The following NLRP1 variants were observed in gnomAD, a reference collection of about 807,000 sequenced individuals.
NLRP1 encodes the protein NLR family pyrin domain containing 1, also known as NACHT, LRR and PYD domains-containing protein 1.
In NLRP1, 94 loss-of-function variants were observed where a neutral mutation model predicts 136.7. That is an observed-to-expected ratio of 0.69 (90% CI 0.58 to 0.82). NLRP1 has a LOEUF of 0.82. NLRP1 is among the 40% of genes least tolerant of loss of function. The probability of loss-of-function intolerance (pLI) is 0.00; values close to 1 mark genes in which losing one functional copy is unlikely to be tolerated. For synonymous variants in NLRP1, 690 were observed against 725.1 expected (o/e 0.95, Z 0.78); for missense variants, 1,575 against 1,802.7 (o/e 0.87, Z 2.29).
In NLRP1 at chr17:5,563,651, TG is replaced by T. The variant is rs527884570; in HGVS notation, c.653-3609del. Among the ~76,000 whole-genome samples the T allele has an allele frequency of 7.9e-3, 1,210 of 152,352 alleles. 10 individuals are homozygous for T. The highest frequency in any genetic ancestry group is 0.014 in the Non-Finnish European group (929 of 68,024). On this transcript the variant is annotated intron_variant, in intron 3 of 16. Transcript: ENST00000572272. ...GAAAGAGACCAAATCTATGACTCGC[TG>T]GCATCCCTGAAAGAGCATGAGAAAG... is the stretch of plus-strand genomic sequence containing the variant.
downstream of NLRP1, among the ~76,000 whole-genome samples, chr17:5,513,113 CTG>C (rs1167352175): frequency 2.0e-5 from 3 of 152,244 alleles, no homozygotes; most frequent in African/African-American, 7.2e-5. Context: ...CCTGGATAGA[CTG>C]TGTCCAGCAT....
rs1235346480 is a variant in NLRP1 at position 5,515,476 on chromosome 17, T to C, written c.4099A>G (p.Ile1367Val). The C allele has an allele frequency of 1.2e-6, 2 of 1,613,072 alleles. No homozygotes were observed. The highest frequency in any genetic ancestry group is 1.3e-5 in the African/African-American group (1 of 75,010). The change falls in exon 16 of 17, where the codon ATA (isoleucine) becomes GTA (valine). Residue 1367 changes from isoleucine to valine, a missense_variant. Ile to Val is a conservative substitution (Grantham distance 29). Coordinates refer to ENST00000572272, the MANE Select transcript of NLRP1 (RefSeq NM_033004.4). ...PATTLIPPAR[I>V]AVPSPLDAPQ... ...GTCTCTGAGAGCTGTTACTGACCTA[T>C]GCGGGCTGGAGGGATCAGAGTAGTT...
chr17:5,559,787 A>G lies in NLRP1; in HGVS notation c.909T>C (p.Tyr303=). The change falls in exon 4 of 17, where the codon TAT becomes TAC. Residue 303 remains tyrosine, a synonymous_variant. Coordinates refer to ENST00000572272, the MANE Select transcript of NLRP1 (RefSeq NM_033004.4). The part of the protein sequence containing the change: ...DPLVKRSWPD[Y]VEENRGHLIE... ...TTAAATGTCCTCGATTCTCCTCCAC[A>G]TAATCAGGCCAGCTTCTCTTGACCA... The G allele has an allele frequency of 6.2e-7, 1 of 1,614,230 alleles. No homozygotes were observed. Among genetic ancestry groups the G allele is most frequent in the Admixed American group, 1.7e-5 (1 of 60,028 alleles).
chr17:5,529,536 T>G (rs1267785138), intron 12 of NLRP1, among the ~76,000 whole-genome samples: 1 of 152,002 alleles, frequency 6.6e-6, no homozygotes, highest in Non-Finnish European at 1.5e-5. Flanking sequence ...CCCGGCTAAT[T>G]TTTGTATTTT....
chr17:5,523,124 G>A (rs1335472734), intron 12 of NLRP1, among the ~76,000 whole-genome samples: 1 of 152,040 alleles, frequency 6.6e-6, no homozygotes, highest in East Asian at 1.9e-4. Context: ...GCAGTTGGGT[G>A]AAGAGTCCAG....
chr17:5,512,011 G>A (rs1364300992), downstream of NLRP1: 1 of 569,110 alleles, frequency 1.8e-6, no homozygotes, highest in African/African-American at 1.9e-5. Flanking sequence ...TAACAATGAG[G>A]TGGTAACTAA....
At position 5,584,266 on chromosome 17, in the gene NLRP1, G is replaced by T; in HGVS notation, c.-309C>A. 2.2e-6 allele frequency: 1 copy of T among 458,992 alleles called. No individual in the cohort carries two copies. The highest frequency in any genetic ancestry group is 4.0e-6 in the Non-Finnish European group (1 of 251,024). 28.4% of individuals were successfully genotyped at this position (458,992 alleles called of 1,614,324 possible). A position where few individuals can be genotyped will look rare whatever the true frequency, so the allele number is the denominator to read the frequency against. On this transcript the variant is annotated 5_prime_UTR_variant, in exon 1 of 17. Transcript: ENST00000572272. ...TGAGGGTGAGGGGAGATGTGGTGAC[G>T]GGAGATGGGGTGTGGGCAACGCTCA...
chr17:5,544,319 G>A (rs1912271407), intron 5 of NLRP1, among the ~76,000 whole-genome samples: 1 of 152,274 alleles, frequency 6.6e-6, no homozygotes, highest in Non-Finnish European at 1.5e-5. Flanking sequence ...TGGCACATTT[G>A]GTGATTTGGT....
At chr17:5,508,003 G>A (rs534276076) in intron 15 of NLRP1, among the ~76,000 whole-genome samples, 5 of 151,018 alleles carry the variant, frequency 3.3e-5, no homozygotes, top group South Asian at 2.1e-4. Context: ...GCGTGGTGGC[G>A]CACGCCTGTA....
intron 5 of NLRP1, among the ~76,000 whole-genome samples, chr17:5,547,680 T>C (rs894380489): frequency 6.6e-6 from 1 of 152,178 alleles, no homozygotes; most frequent in Non-Finnish European, 1.5e-5. Flanking sequence ...GAACCAGGAT[T>C]CCTTAGTCCT....
Position 5,532,862 on chromosome 17 carries a change from C to G in NLRP1, c.3256G>C (p.Val1086Leu). Reference sequence around the variant, plus strand: ...TCTTTGTCAACTACCTCAGTAGCCACAGGCCCCGTGGGGCCCCAGAAGTCA... The same window carrying G: ...TCTTTGTCAACTACCTCAGTAGCCAGAGGCCCCGTGGGGCCCCAGAAGTCA... ...DDDFWGPTGP[V>L]ATEVVDKEKN... is the part of the protein sequence containing the mutation. The change falls in exon 11 of 17, where the codon GTG (valine) becomes CTG (leucine). Residue 1086 changes from valine (V) to leucine (L), a missense_variant. Coordinates refer to ENST00000572272, the MANE Select transcript of NLRP1 (RefSeq NM_033004.4). 1 of 1,611,652 alleles carries G rather than the reference C, an allele frequency of 6.2e-7. No homozygotes were observed.
chr17:5,520,881 C>T lies in NLRP1; in HGVS notation c.3915G>A (p.Lys1305=), dbSNP rs1467979441. The T allele has an allele frequency of 1.3e-6, 2 of 1,596,844 alleles. No individual in the cohort carries two copies. Among genetic ancestry groups the T allele is most frequent in the Non-Finnish European group, 1.7e-6 (2 of 1,170,076 alleles). ...SGSGMLEILP[K]ELELCYRSPG... ...AAGAGGCAGACACTGGGCTGCTCAC[C>T]TTGGGGAGTATTTCCAGCATCCCTG... The change falls in exon 14 of 17, where the codon AAG becomes AAA. Residue 1305 remains lysine (K), a splice_region_variant and synonymous_variant. Coordinates refer to ENST00000572272, the MANE Select transcript of NLRP1 (RefSeq NM_033004.4).
At chr17:5,552,004 G>A (rs1205730768) in intron 5 of NLRP1, among the ~76,000 whole-genome samples, 1 of 151,330 alleles carries the variant, frequency 6.6e-6, no homozygotes, top group Non-Finnish European at 1.5e-5. Context: ...CAAACTCCTG[G>A]CCTAAGGCAA....
chr17:5,523,238 A>C (rs1236661001), intron 12 of NLRP1, among the ~76,000 whole-genome samples: 1 of 152,126 alleles, frequency 6.6e-6, no homozygotes, highest in African/African-American at 2.4e-5. Flanking sequence ...ATGAGCTATG[A>C]GTGTGCTGCT....
intron 6 of NLRP1, among the ~76,000 whole-genome samples, chr17:5,540,221 T>A (rs1275101323): frequency 6.6e-6 from 1 of 152,194 alleles, no homozygotes; most frequent in African/African-American, 2.4e-5. Flanking sequence ...CATGCTGTGA[T>A]TAAAAAGAAT....
chr17:5,565,330 T>C (rs12602431), intron 3 of NLRP1, among the ~76,000 whole-genome samples: 22,699 of 152,244 alleles, frequency 0.15, 2,626 homozygotes, highest in East Asian at 0.58. Flanking sequence ...TTTGATCGAA[T>C]TTTAGATTTT....
chr17:5,572,704 T>C (rs1904524934), intron 3 of NLRP1, among the ~76,000 whole-genome samples: 2 of 125,766 alleles, frequency 1.6e-5, no homozygotes, highest in South Asian at 3.3e-4. Context: ...TGTGATACTT[T>C]GTCTCAGAAA....
At position 5,515,043 on chromosome 17, in the gene NLRP1, A is replaced by G; in HGVS notation, c.4133T>C (p.Leu1378Ser). 1.2e-6 allele frequency: 2 copies of G among 1,614,174 alleles called. No individual in the cohort carries two copies. Among genetic ancestry groups the G allele is most frequent in the Non-Finnish European group, 1.7e-6 (2 of 1,180,038 alleles). ...TCGATACTGGTCCACAAAGTGCAGCAACTGCGGGGCATCCAGAGGTGAAGG... is the reference window on the plus strand; with the variant it reads ...TCGATACTGGTCCACAAAGTGCAGCGACTGCGGGGCATCCAGAGGTGAAGG... ...AVPSPLDAPQ[L>S]LHFVDQYREQ... The change falls in exon 17 of 17, where the codon TTG becomes TCG. Residue 1378 changes from leucine to serine, a missense_variant. Physicochemically the swap from Leu to Ser is moderately radical, Grantham distance 145 (BLOSUM62 -2). Coordinates refer to ENST00000572272, the MANE Select transcript of NLRP1 (RefSeq NM_033004.4).
At chr17:5,502,024 C>A in intron 15 of NLRP1, 1 of 655,910 alleles carries the variant, frequency 1.5e-6, no homozygotes, top group Admixed American at 2.2e-5. Context: ...CCGGGGTGAA[C>A]CAAGGCCAGG....
Sources: gnomAD v4.1 joint callset for allele counts (sites outside exome capture counted in the v4.1 genomes callset) on GRCh38, gnomAD v4.1.1 for gene constraint, MANE v1.5 for transcripts, NCBI Gene and HGNC (gene_info 2026-07-23, HGNC 2026-07-21) for gene names.